Variants in AGBL4 observed in about 807,000 individuals in gnomAD.
AGBL4 encodes cytosolic carboxypeptidase 6.
Under a neutral mutation model 66.4 loss-of-function variants are expected in AGBL4, and 58 were observed. The ratio of observed to expected loss-of-function variants is 0.87; its 90% CI spans 0.71 to 1.09. AGBL4 has a LOEUF of 1.09. Among genes scored for constraint, AGBL4 ranks in the 50% least tolerant of loss-of-function variants. The pLI is 0.00. For synonymous variants in AGBL4, 234 were observed against 222.9 expected (o/e 1.05, Z -0.44); for missense variants, 579 against 631.0 (o/e 0.92, Z 0.88).
intron 5 of AGBL4, among the ~76,000 whole-genome samples, chr1:48,919,536 A>T (rs1314356029): frequency 6.6e-6 from 1 of 152,214 alleles, no homozygotes; most frequent in East Asian, 1.9e-4. Flanking sequence ...GTCTACAAAG[A>T]GCTCACAGAC....
intron 1 of AGBL4, among the ~76,000 whole-genome samples, chr1:49,970,178 C>T (rs1657934688): frequency 6.6e-6 from 1 of 152,056 alleles, no homozygotes; most frequent in Non-Finnish European, 1.5e-5. Flanking sequence ...AAGCTTCTTG[C>T]CACTGGTCTT....
chr1:49,524,623 A>C (rs1247927765), intron 3 of AGBL4, among the ~76,000 whole-genome samples: 1 of 151,946 alleles, frequency 6.6e-6, no homozygotes, highest in Non-Finnish European at 1.5e-5. Context: ...GTTATGCAGA[A>C]CTTTTTTTTT....
At chr1:49,419,717 A>G (rs779607478) in intron 3 of AGBL4, among the ~76,000 whole-genome samples, 1 of 152,220 alleles carries the variant, frequency 6.6e-6, no homozygotes, top group Non-Finnish European at 1.5e-5. Context: ...TGCCCAAGTG[A>G]CATAAATTTA....
At chr1:49,785,376 A>C (rs929638675) in intron 2 of AGBL4, among the ~76,000 whole-genome samples, 2 of 152,120 alleles carry the variant, frequency 1.3e-5, no homozygotes, top group African/African-American at 2.4e-5. Flanking sequence ...TGGATATGTT[A>C]ATTAGTTTGA....
At chr1:49,478,752 T>G (rs547153451) in intron 3 of AGBL4, among the ~76,000 whole-genome samples, 1 of 152,078 alleles carries the variant, frequency 6.6e-6, no homozygotes, top group Admixed American at 6.5e-5. Context: ...GACTAGAGTA[T>G]GAACCAATCA....
At chr1:49,428,767 G>A (rs1645720624) in intron 3 of AGBL4, among the ~76,000 whole-genome samples, 1 of 152,208 alleles carries the variant, frequency 6.6e-6, no homozygotes, top group Non-Finnish European at 1.5e-5. Context: ...GCCATTTTGT[G>A]CATCCAAAGA....
intron 4 of AGBL4, among the ~76,000 whole-genome samples, chr1:49,234,535 A>G (rs937113830): frequency 1.3e-5 from 2 of 152,216 alleles, no homozygotes; most frequent in African/African-American, 4.8e-5. Flanking sequence ...AGGTAGAGAA[A>G]GCAGGGAGAT....
intron 6 of AGBL4, among the ~76,000 whole-genome samples, chr1:48,717,144 C>A (rs1210098247): frequency 2.0e-5 from 3 of 152,196 alleles, no homozygotes; most frequent in African/African-American, 4.8e-5. Context: ...TAAATCAGAA[C>A]CTTTTTGCTT....
chr1:49,216,675 G>T (rs1478643180), intron 4 of AGBL4, among the ~76,000 whole-genome samples: 1 of 152,070 alleles, frequency 6.6e-6, no homozygotes, highest in Non-Finnish European at 1.5e-5. Flanking sequence ...GGGCTTTTAA[G>T]TGTTTCCTCA....
At chr1:48,791,143 A>C (rs1570682220) in intron 6 of AGBL4, among the ~76,000 whole-genome samples, 1 of 152,192 alleles carries the variant, frequency 6.6e-6, no homozygotes, top group Admixed American at 6.5e-5. Context: ...ATCAATAATG[A>C]AGCTCAGCTT....
At chr1:49,780,004 C>G (rs1644297266) in intron 2 of AGBL4, among the ~76,000 whole-genome samples, 1 of 151,948 alleles carries the variant, frequency 6.6e-6, no homozygotes. Flanking sequence ...TCATCAGAAA[C>G]AATGGAGGGC....
intron 9 of AGBL4, among the ~76,000 whole-genome samples, chr1:48,625,456 TAG>T (rs1481762627): frequency 6.6e-6 from 1 of 152,178 alleles, no homozygotes; most frequent in Non-Finnish European, 1.5e-5. Flanking sequence ...AAGCCCTTAA[TAG>T]AGTTACAGTG....
rs1439792750 is a variant in AGBL4, at chr1:48,776,798, CGTT to C, written c.634+90390_634+90392del. On this transcript the variant is annotated intron_variant, in intron 6 of 13. Transcript: ENST00000371839. ...CACGACACGGGCAGCGCGTAGCAGACGTTGTCCTCCAGGAACCGCACAAAGGCG... is the reference window on the plus strand; with the variant it reads ...CACGACACGGGCAGCGCGTAGCAGACGTCCTCCAGGAACCGCACAAAGGCG... 3 of 1,524,030 alleles carry C rather than the reference CGTT, an allele frequency of 2.0e-6. No homozygotes were observed. The African/African-American group carries it at 4.3e-5, about 22-fold the overall frequency. The allele number at this position is 1,524,030 out of a possible 1,614,324, so 94.4% of individuals were successfully genotyped here. A position where few individuals can be genotyped will look rare whatever the true frequency, so the allele number is the denominator to read the frequency against.
intron 3 of AGBL4, among the ~76,000 whole-genome samples, chr1:49,386,530 T>C (rs185456191): frequency 1.3e-4 from 19 of 151,990 alleles, no homozygotes; most frequent in Non-Finnish European, 1.5e-5. Context: ...ATAGGCAAAA[T>C]GGAATTAATT....
rs545502985 is a variant in AGBL4 at position 49,764,481 on chromosome 1, C to T, written c.158-67044G>A. ...TGCCAGTGAGCATAGAACAAGGCCA[C>T]CCTCCTGATCACAGCCAGCACCTCA... is the stretch of plus-strand genomic sequence containing the variant. On this transcript the variant is annotated intron_variant, in intron 2 of 13. Transcript: ENST00000371839. 7.2e-5 allele frequency among the ~76,000 whole-genome samples: 11 copies of T among 152,224 alleles called. 1 individual carries two copies. In the South Asian group the frequency reaches 2.3e-3, roughly 32 times the overall value.
At chr1:49,397,283 T>G (rs979588641) in intron 3 of AGBL4, among the ~76,000 whole-genome samples, 3 of 151,966 alleles carry the variant, frequency 2.0e-5, no homozygotes, top group African/African-American at 7.2e-5. Flanking sequence ...CAGGGTCAGC[T>G]GCCCCATCTG....
chr1:49,344,478 G>C (rs1302270307), intron 3 of AGBL4, among the ~76,000 whole-genome samples: 8 of 152,172 alleles, frequency 5.3e-5, no homozygotes, highest in Non-Finnish European at 1.0e-4. Flanking sequence ...TAAAGCTAAA[G>C]ATTTGAGCAA....
chr1:49,756,135 T>C (rs1316400962), intron 2 of AGBL4, among the ~76,000 whole-genome samples: 1 of 152,148 alleles, frequency 6.6e-6, no homozygotes, highest in Middle Eastern at 3.2e-3. Context: ...AATTGCCTGT[T>C]ATATGGCTTT....
intron 3 of AGBL4, among the ~76,000 whole-genome samples, chr1:49,632,451 A>T (rs1645588690): frequency 6.6e-6 from 1 of 152,202 alleles, no homozygotes. Context: ...ATGTCAACAG[A>T]TTCCCTCTGG....
Sources: allele counts gnomAD v4.1 joint callset (sites outside exome capture counted in the v4.1 genomes callset), GRCh38; gene constraint gnomAD v4.1.1; transcripts MANE v1.5; gene names NCBI Gene and HGNC (gene_info 2026-07-23, HGNC 2026-07-21).